NMT1: variants seen among roughly 807,000 people sequenced by gnomAD.
NMT1 encodes the protein glycylpeptide N-tetradecanoyltransferase 1.
A neutral mutation model predicts 63.4 loss-of-function variants in NMT1; 12 were observed. The observed-to-expected ratio is 0.19, with a 90% CI of 0.12 to 0.31. NMT1 has a LOEUF of 0.31. Among genes scored for constraint, NMT1 ranks in the 10% least tolerant of loss-of-function variants. NMT1 has a pLI of 1.00. For missense variants in NMT1, 432 were observed against 634.6 expected, an observed-to-expected ratio of 0.68 and a Z score of 3.43; for synonymous variants, 228 against 234.3, an observed-to-expected ratio of 0.97 and a Z score of 0.25.
intron 5 of NMT1, 32 bp from the exon 6 acceptor site, chr17:45,097,096 G>A (rs775604060): frequency 5.0e-6 from 8 of 1,588,100 alleles, no homozygotes; most frequent in Admixed American, 1.7e-5. Context: ...CTGCCGGCAA[G>A]CAGCACAACC....
intron 2 of NMT1, among the ~76,000 whole-genome samples, chr17:45,082,349 C>T (rs756859854): frequency 6.6e-6 from 1 of 151,942 alleles, no homozygotes; most frequent in Non-Finnish European, 1.5e-5. Flanking sequence ...CTCCTGGGCT[C>T]AAGCAATCCT....
At chr17:45,066,608 C>T (rs1038964262) in intron 1 of NMT1, among the ~76,000 whole-genome samples, 1 of 151,768 alleles carries the variant, frequency 6.6e-6, no homozygotes, top group South Asian at 2.1e-4. Flanking sequence ...AACAAAAAAA[C>T]CCAAACCCTT....
intron 1 of NMT1, among the ~76,000 whole-genome samples, chr17:45,072,404 C>T (rs149455674): frequency 0.037 from 5,637 of 151,262 alleles, 158 homozygotes; most frequent in Middle Eastern, 0.082. Context: ...GGATTACAGG[C>T]GTGTACCACC....
chr17:45,102,965 T>A lies in NMT1; in HGVS notation c.1008T>A (p.Ala336=). The part of the protein sequence containing the change: ...LYRLPETPKT[A]GLRPMETKDI... ...CTTGCCTCCAGACTCCCAAGACAGC[T>A]GGGCTGCGACCAATGGAAACAAAGG... Residue 336 remains alanine, a synonymous_variant, in exon 9 of 12, where the codon GCT becomes GCA. Coordinates refer to ENST00000258960, the MANE Select transcript of NMT1 (RefSeq NM_021079.5). 6.2e-7 allele frequency: 1 copy of A among 1,612,300 alleles called. No homozygotes were observed. The highest frequency in any genetic ancestry group is 8.5e-7 in the Non-Finnish European group (1 of 1,178,506).
chr17:45,065,009 A>G (rs1385230851), intron 1 of NMT1, among the ~76,000 whole-genome samples: 1 of 152,132 alleles, frequency 6.6e-6, no homozygotes, highest in African/African-American at 2.4e-5. Flanking sequence ...CACATACTGT[A>G]TTGTAGCTTT....
chr17:45,063,204 C>CAAAAAAAAA (rs5820561), intron 1 of NMT1, among the ~76,000 whole-genome samples: 1 of 79,994 alleles, frequency 1.3e-5, no homozygotes, highest in South Asian at 5.0e-4. Context: ...GACTCCGACT[C>CAAAAAAAAA]AAAAAAAAAA....
intron 1 of NMT1, among the ~76,000 whole-genome samples, chr17:45,065,108 T>C (rs1396168101): frequency 6.6e-6 from 1 of 152,136 alleles, no homozygotes; most frequent in Non-Finnish European, 1.5e-5. Context: ...CATCTGACAG[T>C]AAGGAGCATG....
intron 1 of NMT1, among the ~76,000 whole-genome samples, chr17:45,068,596 C>G (rs920357662): frequency 6.6e-6 from 1 of 152,192 alleles, no homozygotes; most frequent in South Asian, 2.1e-4. Context: ...GTGCTAAGCC[C>G]TTTACTTGGA....
intron 1 of NMT1, among the ~76,000 whole-genome samples, chr17:45,080,465 CTTTTTTTTTTTT>C (rs35346554): frequency 4.3e-5 from 3 of 70,196 alleles, no homozygotes; most frequent in East Asian, 3.2e-4. Flanking sequence ...CAGCCTTTTC[CTTTTTTTTTTTT>C]TTTTTTTTTG....
chr17:45,063,542 AG>A (rs1189591000), intron 1 of NMT1, among the ~76,000 whole-genome samples: 1 of 152,028 alleles, frequency 6.6e-6, no homozygotes, highest in Admixed American at 6.6e-5. Context: ...TGTCCTGACC[AG>A]TGTCCTTAGG....
chr17:45,070,039 C>G (rs1339001915), intron 1 of NMT1, among the ~76,000 whole-genome samples: 1 of 152,122 alleles, frequency 6.6e-6, no homozygotes, highest in African/African-American at 2.4e-5. Context: ...GTGGAATATA[C>G]ACATTTGTCT....
At chr17:45,064,415 G>A (rs1468265686) in intron 1 of NMT1, among the ~76,000 whole-genome samples, 2 of 152,136 alleles carry the variant, frequency 1.3e-5, no homozygotes, top group Non-Finnish European at 2.9e-5. Context: ...AAGAATCTGG[G>A]GTAGAGTCAA....
chr17:45,074,409 C>T lies in NMT1; in HGVS notation c.132-7235C>T, dbSNP rs778023608. The stretch of plus-strand genomic sequence containing the variant: ...TTTTTGTATTGTTTTTTAGTAGAGA[C>T]GGGGTTTCACCATGTTAGCCAGGAT... On this transcript the variant is annotated intron_variant, in intron 1 of 11. Coordinates refer to ENST00000258960, the MANE Select transcript of NMT1 (RefSeq NM_021079.5). Among the ~76,000 whole-genome samples, 4 of 152,066 alleles carry T rather than the reference C, an allele frequency of 2.6e-5. 1 individual carries two copies. The South Asian group carries it at 6.2e-4, about 24-fold the overall frequency.
At chr17:45,075,307 A>G (rs7502890) in intron 1 of NMT1, among the ~76,000 whole-genome samples, 62,215 of 151,258 alleles carry the variant, frequency 0.41, 13,390 homozygotes, top group Non-Finnish European at 0.45. Context: ...AACATGGTGA[A>G]ACCCCGTCTC....
intron 1 of NMT1, chr17:45,061,719 A>G (rs1431663565): frequency 2.7e-6 from 1 of 376,008 alleles, no homozygotes; most frequent in Admixed American, 4.4e-5. Context: ...GCTTCAGGCC[A>G]TTCCTGGGAA....
At chr17:45,071,161 G>C (rs971324320) in intron 1 of NMT1, among the ~76,000 whole-genome samples, 3 of 152,148 alleles carry the variant, frequency 2.0e-5, no homozygotes, top group African/African-American at 4.8e-5. Context: ...ATGTCTAAAA[G>C]TAGAATCAAA....
intron 8 of NMT1, among the ~76,000 whole-genome samples, chr17:45,101,705 C>T (rs1162402903): frequency 6.6e-6 from 1 of 151,490 alleles, no homozygotes; most frequent in Non-Finnish European, 1.5e-5. Flanking sequence ...TCAGTGCACA[C>T]AGTCACTGCG....
Position 45,103,214 on chromosome 17 carries a change from C to T in NMT1, c.1164+93C>T. 8.2e-7 allele frequency: 1 copy of T among 1,217,792 alleles called. No homozygotes were observed. The highest frequency in any genetic ancestry group is 1.2e-6 in the Non-Finnish European group (1 of 853,110). The allele number at this position is 1,217,792 out of a possible 1,614,324, so 75.4% of individuals were successfully genotyped here. ...GTTCCCAGGGCTCGAGTGTTGGCAC[C>T]TTAGACTTCCTTGACCATCCGTGTT... On this transcript the variant is annotated intron_variant, in intron 9 of 11. Transcript: ENST00000258960. The surrounding 1 kb of genome is among the most constrained non-coding windows in gnomAD (Gnocchi z 4.8).
In NMT1 at chr17:45,107,647, TGGG is replaced by T. The variant is rs1567874352; in HGVS notation, c.*2011_*2013del. On this transcript the variant is annotated 3_prime_UTR_variant, in exon 12 of 12. Transcript: ENST00000258960. ...CAAAGTGCCCAAGTCTTTCCTACCTTGGGGGAACCTGGAACTTGGAAAGGCTCC... is the reference window on the plus strand; with the variant it reads ...CAAAGTGCCCAAGTCTTTCCTACCTTGGAACCTGGAACTTGGAAAGGCTCC... 1 of 152,346 alleles carries T rather than the reference TGGG, an allele frequency of 6.6e-6. No homozygotes were observed. The highest frequency in any genetic ancestry group is 6.5e-5 in the Admixed American group (1 of 15,286). 9.4% of individuals were successfully genotyped at this position (152,346 alleles called of 1,614,324 possible).
Sources: allele counts gnomAD v4.1 joint callset (sites outside exome capture counted in the v4.1 genomes callset), GRCh38; gene constraint gnomAD v4.1.1; non-coding constraint Gnocchi (gnomAD v3.1); transcripts MANE v1.5; gene names NCBI Gene and HGNC (gene_info 2026-07-23, HGNC 2026-07-21).